Variants in GPR158 observed in about 807,000 individuals in gnomAD.
GPR158 encodes G protein-coupled receptor 158.
Under a neutral mutation model 78.2 loss-of-function variants are expected in GPR158, and 30 were observed. The observed-to-expected ratio is 0.38, with a 90% CI of 0.29 to 0.52. GPR158 has a LOEUF of 0.52. Ranked by LOEUF, GPR158 falls within the 20% of genes least tolerant of loss-of-function variation. The probability of loss-of-function intolerance (pLI) is 0.83; values close to 1 mark genes in which losing one functional copy is unlikely to be tolerated. For synonymous variants in GPR158, 581 were observed against 591.1 expected (o/e 0.98, Z 0.25); for missense variants, 1,463 against 1,523.5 (o/e 0.96, Z 0.66).
intron 2 of GPR158, among the ~76,000 whole-genome samples, chr10:25,232,524 T>C (rs1853463635): frequency 1.3e-5 from 2 of 152,234 alleles, no homozygotes; most frequent in African/African-American, 4.8e-5. Flanking sequence ...CTCTGTTCCC[T>C]GATATCTTCT....
intron 6 of GPR158, among the ~76,000 whole-genome samples, chr10:25,555,715 G>A (rs548148941): frequency 2.0e-5 from 3 of 151,858 alleles, no homozygotes; most frequent in Admixed American, 2.0e-4. Context: ...AGACTCTTGG[G>A]CTTTTCCTTT....
intron 4 of GPR158, among the ~76,000 whole-genome samples, chr10:25,456,507 GAGGCATTACTGATGAGTTCTAGCAACC>G (rs1835293435): frequency 6.6e-6 from 1 of 152,128 alleles, no homozygotes; most frequent in Admixed American, 6.6e-5. Context: ...TTAGAAGACT[GAGGCATTACTGATGAGTTCTAGCAACC>G]AGTTGATGGG....
intron 4 of GPR158, among the ~76,000 whole-genome samples, chr10:25,418,097 A>G (rs1834689139): frequency 6.6e-6 from 1 of 152,176 alleles, no homozygotes; most frequent in Admixed American, 6.6e-5. Context: ...GGAAGCAAAT[A>G]TGTGTAGGGG....
intron 2 of GPR158, among the ~76,000 whole-genome samples, chr10:25,360,747 T>C (rs1018873339): frequency 6.6e-6 from 1 of 151,734 alleles, no homozygotes; most frequent in Non-Finnish European, 1.5e-5. Flanking sequence ...ATATGGGCTC[T>C]TTTTTTGTTG....
chr10:25,410,296 A>G (rs1834566537), intron 3 of GPR158, among the ~76,000 whole-genome samples: 1 of 152,200 alleles, frequency 6.6e-6, no homozygotes, highest in South Asian at 2.1e-4. Context: ...AAGAGGAGAA[A>G]GAGCCAGTCA....
intron 5 of GPR158, among the ~76,000 whole-genome samples, chr10:25,524,125 A>G (rs1166619393): frequency 6.6e-6 from 1 of 152,226 alleles, no homozygotes; most frequent in East Asian, 1.9e-4. Context: ...GCAAGACTAT[A>G]CAATGAAAAC....
chr10:25,440,465 T>C (rs988522992), intron 4 of GPR158, among the ~76,000 whole-genome samples: 18 of 152,308 alleles, frequency 1.2e-4, no homozygotes, highest in Non-Finnish European at 2.1e-4. Context: ...TTTTCCATAA[T>C]AGCACCCTTC....
At position 25,602,037 on chromosome 10, in the gene GPR158, T is replaced by A. The variant is rs1837506980; in HGVS notation, c.*2763T>A. 1 of 152,608 alleles carries A rather than the reference T, an allele frequency of 6.6e-6. No individual in the cohort carries two copies. Among genetic ancestry groups the A allele is most frequent in the Non-Finnish European group, 1.5e-5 (1 of 68,036 alleles). The allele number at this position is 152,608 out of a possible 1,614,324, so 9.5% of individuals were successfully genotyped here. On this transcript the variant is annotated 3_prime_UTR_variant, in exon 11 of 11. Transcript: ENST00000376351. ...ACTGAAAAAACACTGCCTTTTGACT[T>A]CTAGCATTTAGCAACCGAGAGTCGT... is the stretch of plus-strand genomic sequence containing the variant.
At chr10:25,277,516 AAACG>A (rs907260938) in intron 2 of GPR158, among the ~76,000 whole-genome samples, 2 of 152,064 alleles carry the variant, frequency 1.3e-5, no homozygotes, top group South Asian at 2.1e-4. Context: ...CCAAACAAAC[AAACG>A]AACAAGAAAC....
rs546121949 is a variant in GPR158, at chr10:25,303,950, T to G, written c.1008+82793T>G. 3.3e-3 allele frequency among the ~76,000 whole-genome samples: 510 copies of G among 152,304 alleles called. 2 individuals carry two copies. Among genetic ancestry groups the G allele is most frequent in the African/African-American group, 0.011 (471 of 41,560 alleles). Reference sequence around the variant, plus strand: ...TCAAGAATGTAAATTCCTATCTCCATCCCTGGTGAGAAGTGATTGTGATTT... The same window carrying G: ...TCAAGAATGTAAATTCCTATCTCCAGCCCTGGTGAGAAGTGATTGTGATTT... On this transcript the variant is annotated intron_variant, in intron 2 of 10. Coordinates refer to ENST00000376351, the MANE Select transcript of GPR158 (RefSeq NM_020752.3).
intron 2 of GPR158, among the ~76,000 whole-genome samples, chr10:25,248,918 T>G (rs1428687807): frequency 6.6e-6 from 1 of 151,350 alleles, no homozygotes; most frequent in East Asian, 1.9e-4. Flanking sequence ...TATGGCCATT[T>G]TCATGATATT....
chr10:25,394,232 T>C (rs1203994363), intron 2 of GPR158, among the ~76,000 whole-genome samples: 1 of 152,212 alleles, frequency 6.6e-6, no homozygotes, highest in Non-Finnish European at 1.5e-5. Context: ...TTTCAGACTA[T>C]GTCTGTGTCT....
At chr10:25,562,754 G>A (rs1243229493) in intron 6 of GPR158, among the ~76,000 whole-genome samples, 1 of 152,184 alleles carries the variant, frequency 6.6e-6, no homozygotes, top group African/African-American at 2.4e-5. Flanking sequence ...CTGCTGCTGT[G>A]GAGATGAATA....
In GPR158 at chr10:25,176,160, G is replaced by A. The variant is rs770752999; in HGVS notation, c.740G>A (p.Gly247Asp). The A allele has an allele frequency of 1.3e-6, 2 of 1,576,128 alleles. No homozygotes were observed. The highest frequency in any genetic ancestry group is 2.3e-5 in the South Asian group (2 of 86,638). Residue 247 changes from glycine to aspartate, a missense_variant, in exon 1 of 11, where the codon GGC becomes GAC. Coordinates refer to ENST00000376351, the MANE Select transcript of GPR158 (RefSeq NM_020752.3). This position sits in a 1 kb window ranked among gnomAD's most constrained non-coding sequence, Gnocchi z 6.3. The part of the protein sequence containing the change: ...RGPNQGPRGL[G>D]HSWRRKDGLG... ...CCCAATCAGGGGCCCCGGGGCCTGG[G>A]CCACAGCTGGCGGCGCAAGGACGGG... is the stretch of plus-strand genomic sequence containing the variant.
At chr10:25,241,404 CTCTTCTCTTTTCTTTTCTTT>C (rs1382045469) in intron 2 of GPR158, among the ~76,000 whole-genome samples, 2 of 135,730 alleles carry the variant, frequency 1.5e-5, no homozygotes, top group African/African-American at 2.9e-5. Flanking sequence ...CTCTTCTCTT[CTCTTCTCTTTTCTTTTCTTT>C]TCTTTTCTTT....
intron 2 of GPR158, among the ~76,000 whole-genome samples, chr10:25,268,317 T>C (rs1328753272): frequency 6.6e-6 from 1 of 152,162 alleles, no homozygotes; most frequent in East Asian, 1.9e-4. Context: ...TCTTAGGATC[T>C]ATCTGTGAGC....
At chr10:25,584,566 T>C (rs1023908078) in intron 7 of GPR158, among the ~76,000 whole-genome samples, 3 of 152,234 alleles carry the variant, frequency 2.0e-5, no homozygotes, top group African/African-American at 7.2e-5. Context: ...TATAACATTA[T>C]GTAAAAACTG....
At chr10:25,388,031 C>T (rs1390710470) in intron 2 of GPR158, among the ~76,000 whole-genome samples, 1 of 152,126 alleles carries the variant, frequency 6.6e-6, no homozygotes, top group African/African-American at 2.4e-5. Context: ...TTATCCACTT[C>T]ACTCTAAACT....
At chr10:25,373,570 T>G (rs1234588875) in intron 2 of GPR158, among the ~76,000 whole-genome samples, 8 of 151,914 alleles carry the variant, frequency 5.3e-5, no homozygotes, top group Admixed American at 5.3e-4. Context: ...GGCGATAAAT[T>G]TCTTATAAGC....
Sources: gnomAD v4.1 joint callset for allele counts (sites outside exome capture counted in the v4.1 genomes callset) on GRCh38, gnomAD v4.1.1 for gene constraint, Gnocchi (gnomAD v3.1) non-coding constraint, MANE v1.5 for transcripts, NCBI Gene and HGNC (gene_info 2026-07-23, HGNC 2026-07-21) for gene names.